The following PTPRM variants were observed in gnomAD, a reference collection of about 807,000 sequenced individuals.
PTPRM encodes the protein receptor-type tyrosine-protein phosphatase mu.
PTPRM carries 47 observed loss-of-function variants against 186.7 expected under a neutral mutation model. The ratio of observed to expected loss-of-function variants is 0.25; its 90% confidence interval spans 0.20 to 0.32. The LOEUF is 0.32. Ranked by LOEUF, PTPRM falls within the 10% of genes least tolerant of loss-of-function variation. PTPRM has a pLI of 1.00. For missense variants in PTPRM, 1,494 were observed against 1,865.0 expected, an observed-to-expected ratio of 0.80 and a Z score of 3.66; for synonymous variants, 668 against 674.9, an observed-to-expected ratio of 0.99 and a Z score of 0.16.
chr18:7,602,085 A>ACGGTCTGCTTAG (rs1241023872), intron 1 of PTPRM, among the ~76,000 whole-genome samples: 1 of 152,204 alleles, frequency 6.6e-6, no homozygotes, highest in Admixed American at 6.5e-5. Flanking sequence ...GTAACTTGCT[A>ACGGTCTGCTTAG]CGGTCTGCTT....
intron 1 of PTPRM, among the ~76,000 whole-genome samples, chr18:7,745,329 G>A (rs1157774610): frequency 2.0e-5 from 3 of 152,200 alleles, no homozygotes; most frequent in Non-Finnish European, 4.4e-5. Flanking sequence ...TGATCCAGAA[G>A]GTCCAGTGCA....
chr18:8,344,448 G>GTGTGTATATATATATATATA (rs1360655194), intron 23 of PTPRM, among the ~76,000 whole-genome samples: 15 of 33,416 alleles, frequency 4.5e-4, no homozygotes, highest in African/African-American at 9.7e-4. Flanking sequence ...GTGTGTGTGT[G>GTGTGTATATATATATATATA]TATATATATA....
chr18:8,034,413 G>T (rs1431817468), intron 7 of PTPRM, among the ~76,000 whole-genome samples: 1 of 151,968 alleles, frequency 6.6e-6, no homozygotes, highest in Non-Finnish European at 1.5e-5. Context: ...TGAGCCTCTG[G>T]GTGTGATCCA....
rs1165563215 is a variant in PTPRM at position 8,189,418 on chromosome 18, C to T, written c.2300+45639C>T. Among the ~76,000 whole-genome samples the T allele has an allele frequency of 2.0e-5, 3 of 152,130 alleles. No individual in the cohort carries two copies. The East Asian group carries it at 5.8e-4, about 29-fold the overall frequency. The stretch of plus-strand genomic sequence containing the variant: ...AGGGGAAGGGCATACTGATGTCCTT[C>T]TCTGTCCACTCTGCATCTCCATGGA... On this transcript the variant is annotated intron_variant, in intron 14 of 32. Transcript: ENST00000580170.
intron 5 of PTPRM, among the ~76,000 whole-genome samples, chr18:7,937,905 T>G (rs573936774): frequency 1.8e-4 from 28 of 152,308 alleles, no homozygotes; most frequent in African/African-American, 6.3e-4. Context: ...GGGCTTACTC[T>G]GCATGGGTGA....
At chr18:7,857,181 G>A (rs1002261819) in intron 2 of PTPRM, among the ~76,000 whole-genome samples, 1 of 152,080 alleles carries the variant, frequency 6.6e-6, no homozygotes, top group Non-Finnish European at 1.5e-5. Context: ...GGCACATGAC[G>A]GGCAGGTTGA....
intron 2 of PTPRM, among the ~76,000 whole-genome samples, chr18:7,830,514 C>A (rs2045705089): frequency 6.6e-6 from 1 of 152,206 alleles, no homozygotes; most frequent in African/African-American, 2.4e-5. Flanking sequence ...TAGCCTATTG[C>A]TCCAACCACC....
intron 14 of PTPRM, among the ~76,000 whole-genome samples, chr18:8,217,509 C>T (rs1174204089): frequency 6.6e-6 from 1 of 152,138 alleles, no homozygotes. Flanking sequence ...TTTAACGAGC[C>T]GTTTTAGCTG....
intron 13 of PTPRM, among the ~76,000 whole-genome samples, chr18:8,138,155 A>C (rs1175724804): frequency 1.3e-5 from 2 of 151,616 alleles, no homozygotes; most frequent in Non-Finnish European, 2.9e-5. Context: ...TGATCTGAAC[A>C]CTGGTCACAC....
intron 1 of PTPRM, among the ~76,000 whole-genome samples, chr18:7,769,733 A>G (rs993246012): frequency 2.0e-4 from 31 of 152,196 alleles, no homozygotes; most frequent in African/African-American, 7.5e-4. Context: ...AGGAATCATC[A>G]CTGTCATCAA....
rs187082797 is a variant in PTPRM at position 8,352,735 on chromosome 18, G to A, written c.3054+9215G>A. Among the ~76,000 whole-genome samples the A allele has an allele frequency of 9.3e-3, 1,407 of 150,714 alleles. 19 individuals are homozygous for A. The highest frequency in any genetic ancestry group is 0.014 in the Non-Finnish European group (938 of 67,790). ...CACCCAGGCTGGAGTGCAGTGGCAC[G>A]ATCTTGGCTCACTGCAACCTCCGCC... On this transcript the variant is annotated intron_variant, in intron 23 of 32. Transcript: ENST00000580170.
chr18:7,616,287 T>C (rs759243559), intron 1 of PTPRM, among the ~76,000 whole-genome samples: 42 of 152,156 alleles, frequency 2.8e-4, no homozygotes, highest in Non-Finnish European at 5.0e-4. Flanking sequence ...GCCTCCTGAG[T>C]ACATGGACTA....
chr18:7,802,016 G>C (rs984331926), intron 2 of PTPRM, among the ~76,000 whole-genome samples: 1 of 152,212 alleles, frequency 6.6e-6, no homozygotes, highest in Admixed American at 6.5e-5. Flanking sequence ...GTATAGTGGA[G>C]AAAGTACATT....
chr18:8,018,686 A>T (rs1158043718), intron 7 of PTPRM, among the ~76,000 whole-genome samples: 1 of 152,202 alleles, frequency 6.6e-6, no homozygotes, highest in Non-Finnish European at 1.5e-5. Flanking sequence ...ATGTAATTTT[A>T]GAAAGTAAAT....
At chr18:8,250,849 A>T (rs946333329) in intron 17 of PTPRM, among the ~76,000 whole-genome samples, 1 of 152,082 alleles carries the variant, frequency 6.6e-6, no homozygotes, top group African/African-American at 2.4e-5. Flanking sequence ...ACATAAAGGA[A>T]ATTAATGACA....
chr18:7,968,400 A>G (rs937437087), intron 7 of PTPRM, among the ~76,000 whole-genome samples: 2 of 144,740 alleles, frequency 1.4e-5, no homozygotes, highest in African/African-American at 5.3e-5. Context: ...TGCATCAACT[A>G]ATGAGCAAAA....
At chr18:8,171,225 G>A (rs1194882403) in intron 14 of PTPRM, among the ~76,000 whole-genome samples, 1 of 152,164 alleles carries the variant, frequency 6.6e-6, no homozygotes, top group East Asian at 1.9e-4. Flanking sequence ...ACTGTCTGAG[G>A]AAGGCTTATA....
In PTPRM at chr18:8,253,298, G is replaced by C; in HGVS notation, c.2638G>C (p.Ala880Pro). 1.9e-6 allele frequency: 3 copies of C among 1,597,334 alleles called. No homozygotes were observed. Among genetic ancestry groups the C allele is most frequent in the Non-Finnish European group, 2.6e-6 (3 of 1,172,056 alleles). Residue 880 changes from alanine (A) to proline (P), a missense_variant, in exon 19 of 33, where the codon GCC (alanine) becomes CCC (proline). By Grantham distance (27) the Ala-to-Pro change is conservative. Coordinates refer to ENST00000580170, the MANE Select transcript of PTPRM (RefSeq NM_001105244.2). ...CCATACTTACAAGAAGCGAGAGCCGGCCGACGTGCCCTATCAGACTGGGCA... is the reference window on the plus strand; with the variant it reads ...CCATACTTACAAGAAGCGAGAGCCGCCCGACGTGCCCTATCAGACTGGGCA... Reference protein sequence around the residue: ...QSHTYKKREPADVPYQTGQLH... With the variant: ...QSHTYKKREPPDVPYQTGQLH...
intron 1 of PTPRM, among the ~76,000 whole-genome samples, chr18:7,733,865 G>A (rs1252424982): frequency 6.6e-6 from 1 of 152,176 alleles, no homozygotes; most frequent in Non-Finnish European, 1.5e-5. Flanking sequence ...GCATGCCCAG[G>A]CAAGCCCCCT....
Sources: gnomAD v4.1 joint callset for allele counts (sites outside exome capture counted in the v4.1 genomes callset) on GRCh38, gnomAD v4.1.1 for gene constraint, MANE v1.5 for transcripts, NCBI Gene and HGNC (gene_info 2026-07-23, HGNC 2026-07-21) for gene names.